The following TMEM220 variants were observed in gnomAD, a reference collection of about 807,000 sequenced individuals.
TMEM220 encodes transmembrane protein 220.
TMEM220 carries 21 observed loss-of-function variants against 21.7 expected under a neutral mutation model. The ratio of observed to expected loss-of-function variants is 0.97; its 90% confidence interval spans 0.69 to 1.39. TMEM220 has a LOEUF of 1.39. Ranked by LOEUF, TMEM220 falls within the 40% of genes most tolerant of loss-of-function variation. TMEM220 has a pLI of 0.00. For missense variants in TMEM220, 191 were observed against 201.9 expected (o/e 0.95, Z 0.33); for synonymous variants, 80 against 73.6 (o/e 1.09, Z -0.45).
intron 2 of TMEM220, chr17:10,726,494 A>G (rs1253693693): frequency 5.5e-6 from 3 of 550,014 alleles, no homozygotes; most frequent in Non-Finnish European, 9.8e-6. Context: ...CTATTCCAGA[A>G]GCTCATTTAT....
At chr17:10,726,180 C>G (rs1291521401) in intron 3 of TMEM220, 24 bp downstream of exon 3, 1 of 1,600,572 alleles carries the variant, frequency 6.2e-7, no homozygotes, top group Non-Finnish European at 8.6e-7. Context: ...TGCTGTCTCT[C>G]CATTTAGAAT....
chr17:10,723,197 T>G (rs1597530190), intron 5 of TMEM220, 73 bp downstream of exon 5: 1 of 1,298,992 alleles, frequency 7.7e-7, no homozygotes. Flanking sequence ...GCCAGGATGG[T>G]CTTGATCTCC....
chr17:10,720,182 A>T (rs1302619534), intron 5 of TMEM220, among the ~76,000 whole-genome samples: 1 of 152,176 alleles, frequency 6.6e-6, no homozygotes, highest in African/African-American at 2.4e-5. Context: ...ATGCAATTAC[A>T]CTTTGACCCA....
At chr17:10,720,391 G>T (rs563595206) in intron 5 of TMEM220, among the ~76,000 whole-genome samples, 2 of 152,184 alleles carry the variant, frequency 1.3e-5, no homozygotes, top group Non-Finnish European at 2.9e-5. Flanking sequence ...ATGATCTCCA[G>T]GATGTAGTAA....
In TMEM220 at chr17:10,729,791, C is replaced by A; in HGVS notation, c.61G>T (p.Ala21Ser). 1 of 1,412,482 alleles carries A rather than the reference C, an allele frequency of 7.1e-7. No homozygotes were observed. The highest frequency in any genetic ancestry group is 1.5e-5 in the South Asian group (1 of 68,914). 87.5% of individuals were successfully genotyped at this position (1,412,482 alleles called of 1,614,324 possible). A position where few individuals can be genotyped will look rare whatever the true frequency, so the allele number is the denominator to read the frequency against. The change falls in exon 1 of 6, where the codon GCC becomes TCC. Residue 21 changes from alanine to serine, a missense_variant. By Grantham distance (99) the Ala-to-Ser change is moderately conservative (BLOSUM62 1). Coordinates refer to ENST00000341871, the MANE Select transcript of TMEM220 (RefSeq NM_001004313.3). ...GLMAAFFALAALVQVNDPDAE... is the reference protein window; with the variant it reads ...GLMAAFFALASLVQVNDPDAE... ...CGCGGCCGCCTGACCTGCACCAAGG[C>A]CGCCAGCGCGAAGAAGGCGGCCATG...
chr17:10,728,360 G>A (rs1285422692), intron 2 of TMEM220, among the ~76,000 whole-genome samples: 1 of 145,468 alleles, frequency 6.9e-6, no homozygotes, highest in Non-Finnish European at 1.5e-5. Flanking sequence ...CCAGACTGGA[G>A]TGCAGTGGCA....
chr17:10,719,706 A>C (rs1275870348), intron 5 of TMEM220, among the ~76,000 whole-genome samples: 4 of 152,376 alleles, frequency 2.6e-5, no homozygotes, highest in Admixed American at 1.3e-4. Context: ...ATCCAGAAGC[A>C]ATAAGGAAAA....
intron 5 of TMEM220, among the ~76,000 whole-genome samples, chr17:10,721,685 A>G (rs535979886): frequency 6.6e-6 from 1 of 151,762 alleles, no homozygotes; most frequent in African/African-American, 2.4e-5. Context: ...TTCAGATAAA[A>G]CAAGATTGGA....
rs11463233 is a variant in TMEM220 at position 10,722,984 on chromosome 17, C to CTT, written c.347+284_347+285dup. Among the ~76,000 whole-genome samples the CTT allele has an allele frequency of 4.7e-3, 660 of 139,586 alleles. 12 individuals are homozygous for CTT. The highest frequency in any genetic ancestry group is 0.018 in the Middle Eastern group (5 of 272). The allele number at this position is 139,586 out of a possible 152,430, so 91.6% of individuals were successfully genotyped here. ...TTTGTCAGCCTCGAAGATGTGATTT[C>CTT]TTTTTTTTTTTTTTTTGAGAGAGTG... is the stretch of plus-strand genomic sequence containing the variant. On this transcript the variant is annotated intron_variant, in intron 5 of 5. Transcript: ENST00000341871.
chr17:10,719,804 A>G (rs559745960), intron 5 of TMEM220, among the ~76,000 whole-genome samples: 1 of 152,366 alleles, frequency 6.6e-6, no homozygotes, highest in East Asian at 1.9e-4. Flanking sequence ...GTTAAAGGAA[A>G]ATAACAAACT....
In TMEM220 at chr17:10,713,420, C is replaced by G. The variant is rs1267196777; in HGVS notation, c.*2033G>C. The G allele has an allele frequency of 1.3e-5, 2 of 151,906 alleles. No individual in the cohort carries two copies. The highest frequency in any genetic ancestry group is 2.9e-5 in the Non-Finnish European group (2 of 67,998). The allele number at this position is 151,906 out of a possible 1,614,324, so 9.4% of individuals were successfully genotyped here. A position where few individuals can be genotyped will look rare whatever the true frequency, so the allele number is the denominator to read the frequency against. On this transcript the variant is annotated 3_prime_UTR_variant, in exon 6 of 6. Transcript: ENST00000341871. ...AGATGCGAAAGAGACTATGAATAGT[C>G]ACATAATTTCGTAGTCTGATATGGG...
downstream of TMEM220, among the ~76,000 whole-genome samples, chr17:10,711,889 G>GTCTCCACAC (rs2074856272): frequency 6.6e-6 from 1 of 152,232 alleles, no homozygotes; most frequent in African/African-American, 2.4e-5. Flanking sequence ...GGCAAATGGG[G>GTCTCCACAC]ACTATTCAGG....
Position 10,715,293 on chromosome 17 carries a change from A to G in TMEM220, c.*160T>C. The G allele has an allele frequency of 1.7e-6, 1 of 590,342 alleles. No individual in the cohort carries two copies. The highest frequency in any genetic ancestry group is 2.8e-6 in the Non-Finnish European group (1 of 353,312). The allele number at this position is 590,342 out of a possible 1,614,324, so 36.6% of individuals were successfully genotyped here. ...TATCAGACCATCTCTTACTTGTCCC[A>G]TCCAATCTTACATCGAATTATATGC... is the stretch of plus-strand genomic sequence containing the variant. On this transcript the variant is annotated 3_prime_UTR_variant, in exon 6 of 6. Coordinates refer to ENST00000341871, the MANE Select transcript of TMEM220 (RefSeq NM_001004313.3).
intron 2 of TMEM220, 137 bp downstream of exon 2, chr17:10,728,894 G>A: frequency 2.3e-6 from 2 of 883,104 alleles, no homozygotes; most frequent in East Asian, 2.6e-5. Flanking sequence ...TTAGGAAAAA[G>A]CGCTTCCCAA....
chr17:10,727,199 G>T (rs1029651749), intron 2 of TMEM220, among the ~76,000 whole-genome samples: 1 of 151,658 alleles, frequency 6.6e-6, no homozygotes, highest in African/African-American at 2.4e-5. Flanking sequence ...GAGATGGGGG[G>T]GGTCTCGCTA....
chr17:10,725,571 G>A (rs759480214), intron 3 of TMEM220, among the ~76,000 whole-genome samples: 5 of 152,196 alleles, frequency 3.3e-5, no homozygotes, highest in South Asian at 2.1e-4. Context: ...TCCACTGGAC[G>A]TGGCATCGTG....
rs747679385 is a variant in TMEM220 at position 10,723,271 on chromosome 17, T to C, written c.346A>G (p.Lys116Glu). The C allele has an allele frequency of 6.2e-7, 1 of 1,613,980 alleles. No homozygotes were observed. Among genetic ancestry groups the C allele is most frequent in the Non-Finnish European group, 8.5e-7 (1 of 1,179,912 alleles). The change falls in exon 5 of 6, where the codon AAG becomes GAG. Residue 116 changes from lysine to glutamate, a missense_variant and splice_region_variant. By Grantham distance (56) the Lys-to-Glu change is moderately conservative (BLOSUM62 1). Coordinates refer to ENST00000341871, the MANE Select transcript of TMEM220 (RefSeq NM_001004313.3). ...AWIILCHSSS[K>E]NPVGGRIQLA... ...AGATGTGATGAGTTGAATACTTACTTTGAGGAACTGTGGCACAGGATAATC... is the reference window on the plus strand; with the variant it reads ...AGATGTGATGAGTTGAATACTTACTCTGAGGAACTGTGGCACAGGATAATC...
chr17:10,729,170 T>C (rs1405467708), intron 1 of TMEM220, 110 bp from the exon 2 acceptor site: 2 of 1,258,840 alleles, frequency 1.6e-6, no homozygotes, highest in Non-Finnish European at 2.3e-6. Flanking sequence ...GACACTGCAA[T>C]AGGCATCGAG....
intron 3 of TMEM220, among the ~76,000 whole-genome samples, chr17:10,725,903 A>T (rs751644140): frequency 1.3e-5 from 2 of 152,200 alleles, no homozygotes; most frequent in African/African-American, 2.4e-5. Flanking sequence ...GGGACTCATT[A>T]GTCTTTATTC....
Sources: allele counts gnomAD v4.1 joint callset (sites outside exome capture counted in the v4.1 genomes callset), GRCh38; gene constraint gnomAD v4.1.1; transcripts MANE v1.5; gene names NCBI Gene and HGNC (gene_info 2026-07-23, HGNC 2026-07-21).